AKR1C3: variants seen among roughly 807,000 people sequenced by gnomAD.
The protein encoded by AKR1C3 is 3-alpha hydroxysteroid dehydrogenase, type II.
Under a neutral mutation model 43.6 loss-of-function variants are expected in AKR1C3, and 48 were observed. The observed-to-expected ratio is 1.10, with a 90% CI of 0.87 to 1.40. The LOEUF (loss-of-function observed/expected upper bound fraction) is 1.40. Ranked by LOEUF, AKR1C3 falls within the 40% of genes most tolerant of loss-of-function variation. The probability of loss-of-function intolerance (pLI) is 0.00; values close to 1 mark genes in which losing one functional copy is unlikely to be tolerated. For synonymous variants in AKR1C3, 162 were observed against 139.6 expected (o/e 1.16, Z -1.13); for missense variants, 482 against 391.2 (o/e 1.23, Z -1.96).
upstream of AKR1C3, among the ~76,000 whole-genome samples, chr10:5,089,835 G>A (rs1031467690): frequency 1.3e-5 from 2 of 152,098 alleles, no homozygotes; most frequent in Admixed American, 6.6e-5. Context: ...TCTTGTACTG[G>A]ATTTTTTTCT....
chr10:5,096,153 A>G (rs1839201917), intron 1 of AKR1C3: 1 of 352,216 alleles, frequency 2.8e-6, no homozygotes, highest in East Asian at 4.7e-5. Context: ...AACTTTTCCA[A>G]CAAATCACTG....
At chr10:5,062,896 T>C (rs1554780376) in intron 1 of AKR1C3, among the ~76,000 whole-genome samples, 1 of 151,536 alleles carries the variant, frequency 6.6e-6, no homozygotes, top group East Asian at 1.9e-4. Context: ...AAACTTGTAA[T>C]TTCTCAAAGC....
chr10:5,088,719 T>C (rs150733356), intron 1 of AKR1C3, among the ~76,000 whole-genome samples: 1 of 151,668 alleles, frequency 6.6e-6, no homozygotes, highest in Non-Finnish European at 1.5e-5. Flanking sequence ...GTAGATCTCC[T>C]GTAGATAAAA....
upstream of AKR1C3, among the ~76,000 whole-genome samples, chr10:5,091,799 T>G (rs946166986): frequency 8.5e-5 from 13 of 152,302 alleles, no homozygotes; most frequent in Non-Finnish European, 1.6e-4. Context: ...TGTACACATT[T>G]GTATTTTAAA....
At chr10:5,105,530 TCTAATATA>T in intron 7 of AKR1C3, 57 bp from the exon 8 acceptor site, 1 of 1,222,408 alleles carries the variant, frequency 8.2e-7, no homozygotes, top group South Asian at 1.3e-5. Flanking sequence ...CACCCTACTG[TCTAATATA>T]CTTGGGGATT....
At chr10:5,085,564 T>C (rs1194813728) in intron 1 of AKR1C3, among the ~76,000 whole-genome samples, 2 of 151,842 alleles carry the variant, frequency 1.3e-5, no homozygotes, top group Non-Finnish European at 2.9e-5. Context: ...TGCCAGGCTT[T>C]GGTATCAGGA....
intron 1 of AKR1C3, among the ~76,000 whole-genome samples, chr10:5,075,260 G>A (rs1838689558): frequency 6.6e-6 from 1 of 151,898 alleles, no homozygotes; most frequent in Admixed American, 6.6e-5. Flanking sequence ...CCTACACATG[G>A]TCATAAGTTT....
chr10:5,060,054 C>T (rs1220616297), intron 1 of AKR1C3, among the ~76,000 whole-genome samples: 1 of 151,954 alleles, frequency 6.6e-6, no homozygotes, highest in Non-Finnish European at 1.5e-5. Context: ...TGTTAGAGCT[C>T]TTAAGGTGGA....
At chr10:5,060,944 C>T (rs191606312) in intron 1 of AKR1C3, among the ~76,000 whole-genome samples, 13 of 152,340 alleles carry the variant, frequency 8.5e-5, no homozygotes, top group Non-Finnish European at 1.5e-4. Flanking sequence ...AAGTGCAGGG[C>T]CTGCTGAGCC....
At chr10:5,063,533 T>C (rs1838424083) in intron 1 of AKR1C3, among the ~76,000 whole-genome samples, 1 of 151,754 alleles carries the variant, frequency 6.6e-6, no homozygotes. Context: ...CAGTTGTTCA[T>C]GCCTGTTATC....
At chr10:5,079,322 A>G (rs921653566) in intron 1 of AKR1C3, among the ~76,000 whole-genome samples, 1 of 152,090 alleles carries the variant, frequency 6.6e-6, no homozygotes, top group African/African-American at 2.4e-5. Context: ...CTCAAAATGT[A>G]CTTTTTTGGT....
At chr10:5,049,037 A>G in intron 1 of AKR1C3, 1 of 615,334 alleles carries the variant, frequency 1.6e-6, no homozygotes, top group Non-Finnish European at 2.8e-6. Context: ...GCTATACTGT[A>G]TGTACAAAGA....
chr10:5,067,299 T>C (rs1180564296), intron 1 of AKR1C3, among the ~76,000 whole-genome samples: 1 of 152,224 alleles, frequency 6.6e-6, no homozygotes, highest in Non-Finnish European at 1.5e-5. Flanking sequence ...AGTGTTAATC[T>C]GTTAACTTGG....
chr10:5,049,059 C>T (rs1197991627), intron 1 of AKR1C3, among the ~76,000 whole-genome samples: 2 of 152,162 alleles, frequency 1.3e-5, no homozygotes, highest in African/African-American at 2.4e-5. Flanking sequence ...AAAAAGTCAA[C>T]CTTTGTTGTG....
intron 1 of AKR1C3, among the ~76,000 whole-genome samples, chr10:5,068,397 G>A (rs1248274651): frequency 6.6e-6 from 1 of 151,284 alleles, no homozygotes; most frequent in East Asian, 1.9e-4. Context: ...CATTAGAAAA[G>A]ACAATTTTGA....
chr10:5,052,232 C>G (rs973800237), intron 1 of AKR1C3, among the ~76,000 whole-genome samples: 80 of 152,174 alleles, frequency 5.3e-4, no homozygotes, highest in African/African-American at 1.8e-3. Context: ...TGGTGGGTTC[C>G]TGGTCTTGCT....
At chr10:5,059,256 C>G (rs1838328143) in intron 1 of AKR1C3, among the ~76,000 whole-genome samples, 1 of 152,062 alleles carries the variant, frequency 6.6e-6, no homozygotes, top group Non-Finnish European at 1.5e-5. Context: ...ATGGGAGAAA[C>G]TAGAAAAACA....
At chr10:5,061,014 C>T (rs554015189) in intron 1 of AKR1C3, among the ~76,000 whole-genome samples, 89 of 152,324 alleles carry the variant, frequency 5.8e-4, no homozygotes, top group South Asian at 1.7e-3. Context: ...AGTTCCCTCC[C>T]GTGCCTCTCC....
intron 7 of AKR1C3, 161 bp from the exon 8 acceptor site, chr10:5,105,434 G>T (rs74112027): frequency 1.9e-6 from 1 of 520,046 alleles, no homozygotes; most frequent in East Asian, 3.1e-5. Flanking sequence ...CTTATTTTTC[G>T]TGAGCTATTC....
Sources: gnomAD v4.1 joint callset for allele counts (sites outside exome capture counted in the v4.1 genomes callset) on GRCh38, gnomAD v4.1.1 for gene constraint, MANE v1.5 for transcripts, NCBI Gene and HGNC (gene_info 2026-07-23, HGNC 2026-07-21) for gene names.